The following LHFPL2 variants were observed in gnomAD, a reference collection of about 807,000 sequenced individuals.
LHFPL2 encodes LHFPL tetraspan subfamily member 2 protein.
In LHFPL2, 7 loss-of-function variants were observed where a neutral mutation model predicts 17.5. That is an observed-to-expected ratio of 0.40 (90% confidence interval 0.23 to 0.75). LHFPL2 has a LOEUF of 0.75. Ranked by LOEUF, LHFPL2 falls within the 30% of genes least tolerant of loss-of-function variation. The pLI is 0.37. For synonymous variants in LHFPL2, 134 were observed against 116.2 expected (o/e 1.15, Z -0.99); for missense variants, 241 against 294.8 (o/e 0.82, Z 1.34).
At chr5:78,505,594 A>G (rs1400539137) in intron 4 of LHFPL2, among the ~76,000 whole-genome samples, 1 of 152,162 alleles carries the variant, frequency 6.6e-6, no homozygotes, top group East Asian at 1.9e-4. Context: ...CCTGAGCTCC[A>G]ACACAGGCAG....
intron 2 of LHFPL2, among the ~76,000 whole-genome samples, chr5:78,602,419 CAT>C (rs1347018012): frequency 6.6e-6 from 1 of 152,136 alleles, no homozygotes; most frequent in Non-Finnish European, 1.5e-5. Flanking sequence ...TTGAAAGAAA[CAT>C]ATCCTTCTCA....
intron 3 of LHFPL2, among the ~76,000 whole-genome samples, chr5:78,529,108 C>G (rs1755704195): frequency 6.7e-6 from 1 of 149,624 alleles, no homozygotes; most frequent in African/African-American, 2.5e-5. Context: ...AAGACCACGT[C>G]TCTGAAAAAA....
intron 1 of LHFPL2, among the ~76,000 whole-genome samples, chr5:78,636,286 T>C (rs1745446688): frequency 6.6e-6 from 1 of 152,252 alleles, no homozygotes; most frequent in South Asian, 2.1e-4. Context: ...TCTGTGTGCT[T>C]ACACGTCTAA....
intron 4 of LHFPL2, among the ~76,000 whole-genome samples, chr5:78,504,234 C>T (rs1754865219): frequency 6.6e-6 from 1 of 152,164 alleles, no homozygotes; most frequent in Admixed American, 6.5e-5. Context: ...AGGGCTGTTC[C>T]CTCTACTCTC....
chr5:78,550,564 T>TTTCA (rs1561334811), intron 3 of LHFPL2, among the ~76,000 whole-genome samples: 1 of 150,660 alleles, frequency 6.6e-6, no homozygotes, highest in African/African-American at 2.4e-5. Context: ...TTTTATTTAT[T>TTTCA]TTTATTTATT....
At chr5:78,532,973 T>C (rs1051925536) in intron 3 of LHFPL2, among the ~76,000 whole-genome samples, 9 of 152,326 alleles carry the variant, frequency 5.9e-5, no homozygotes, top group African/African-American at 1.7e-4. Context: ...CCAACAACCC[T>C]GTCGTGCTGC....
chr5:78,585,178 T>C lies in LHFPL2; in HGVS notation c.-244-20307A>G, dbSNP rs1319185842. 1.7e-5 allele frequency among the ~76,000 whole-genome samples: 2 copies of C among 114,464 alleles called. 1 individual carries two copies. Among genetic ancestry groups the C allele is most frequent in the Non-Finnish European group, 4.0e-5 (2 of 49,690 alleles). 75.1% of individuals were successfully genotyped at this position (114,464 alleles called of 152,430 possible). ...CCCGCCACTACGCCCGGCTAATTTT[T>C]TGTATTTTTAGTAGAGACGGGGTTT... On this transcript the variant is annotated intron_variant, in intron 2 of 4. Coordinates refer to ENST00000380345, the MANE Select transcript of LHFPL2 (RefSeq NM_005779.3).
intron 2 of LHFPL2, among the ~76,000 whole-genome samples, chr5:78,575,060 C>G (rs1757094365): frequency 6.6e-6 from 1 of 152,164 alleles, no homozygotes; most frequent in Non-Finnish European, 1.5e-5. Flanking sequence ...GACACTGCTT[C>G]CTAATCCTGT....
intron 3 of LHFPL2, among the ~76,000 whole-genome samples, chr5:78,537,375 T>C (rs1295038415): frequency 6.6e-6 from 1 of 152,094 alleles, no homozygotes; most frequent in Non-Finnish European, 1.5e-5. Context: ...CCCCCAAAAA[T>C]GGTTATTCGT....
chr5:78,503,757 T>TG (rs1482095962), intron 4 of LHFPL2, among the ~76,000 whole-genome samples: 3 of 152,210 alleles, frequency 2.0e-5, no homozygotes, highest in Non-Finnish European at 4.4e-5. Flanking sequence ...AATACCTGCT[T>TG]GGTCCACTTG....
intron 3 of LHFPL2, among the ~76,000 whole-genome samples, chr5:78,557,393 A>C (rs1424193388): frequency 1.3e-5 from 2 of 152,192 alleles, no homozygotes; most frequent in Non-Finnish European, 2.9e-5. Context: ...CCATGAAAGC[A>C]CTTGACCACC....
Position 78,488,774 on chromosome 5 carries a change from G to T in LHFPL2, c.*123C>A. 8.9e-7 allele frequency: 1 copy of T among 1,129,658 alleles called. No homozygotes were observed. Among genetic ancestry groups the T allele is most frequent in the Non-Finnish European group, 1.3e-6 (1 of 778,470 alleles). 70.0% of individuals were successfully genotyped at this position (1,129,658 alleles called of 1,614,324 possible). A position where few individuals can be genotyped will look rare whatever the true frequency, so the allele number is the denominator to read the frequency against. ...GTGGCCTCTCATTGGTCCTGTTTAA[G>T]CCTCGGGCCGTGGAACGTGGCTTTG... On this transcript the variant is annotated 3_prime_UTR_variant, in exon 5 of 5. Transcript: ENST00000380345.
chr5:78,489,580 T>C (rs1233082066), intron 4 of LHFPL2, among the ~76,000 whole-genome samples: 1 of 152,116 alleles, frequency 6.6e-6, no homozygotes, highest in Non-Finnish European at 1.5e-5. Flanking sequence ...AGTTTTTAAG[T>C]AGAGATGAGG....
intron 3 of LHFPL2, among the ~76,000 whole-genome samples, chr5:78,556,673 A>C (rs1361603364): frequency 6.6e-6 from 1 of 152,370 alleles, no homozygotes; most frequent in East Asian, 1.9e-4. Context: ...ACATCATAAG[A>C]CAGAATACTG....
chr5:78,576,145 A>C (rs956013939), intron 2 of LHFPL2, among the ~76,000 whole-genome samples: 1 of 152,066 alleles, frequency 6.6e-6, no homozygotes, highest in Non-Finnish European at 1.5e-5. Context: ...AAAACAAAAA[A>C]TTCTCCGGGC....
At chr5:78,520,205 A>T (rs1204750980) in intron 3 of LHFPL2, among the ~76,000 whole-genome samples, 1 of 152,180 alleles carries the variant, frequency 6.6e-6, no homozygotes, top group Non-Finnish European at 1.5e-5. Flanking sequence ...CCAAGGCCAC[A>T]AAAGCACCTT....
At chr5:78,545,286 G>C (rs763533210) in intron 3 of LHFPL2, among the ~76,000 whole-genome samples, 1 of 152,180 alleles carries the variant, frequency 6.6e-6, no homozygotes, top group Non-Finnish European at 1.5e-5. Context: ...AACACCGAAG[G>C]CTCTATCTCA....
intron 2 of LHFPL2, among the ~76,000 whole-genome samples, chr5:78,573,017 C>A (rs181190313): frequency 6.6e-6 from 1 of 152,140 alleles, no homozygotes; most frequent in Non-Finnish European, 1.5e-5. Flanking sequence ...CCGTAATGCT[C>A]GCTCGCCTGG....
At chr5:78,634,495 A>G (rs1309436969) in intron 1 of LHFPL2, among the ~76,000 whole-genome samples, 1 of 152,166 alleles carries the variant, frequency 6.6e-6, no homozygotes, top group Non-Finnish European at 1.5e-5. Flanking sequence ...CCCTGTGCCT[A>G]TGGTCCCACG....
Sources: gnomAD v4.1 joint callset for allele counts (sites outside exome capture counted in the v4.1 genomes callset) on GRCh38, gnomAD v4.1.1 for gene constraint, MANE v1.5 for transcripts, NCBI Gene and HGNC (gene_info 2026-07-23, HGNC 2026-07-21) for gene names.